The following WWOX variants were observed in gnomAD, a reference collection of about 807,000 sequenced individuals.
WWOX encodes the protein WW domain containing oxidoreductase.
WWOX carries 69 observed loss-of-function variants against 46.2 expected under a neutral mutation model. That is an observed-to-expected ratio of 1.49 (90% CI 1.23 to 1.82). The LOEUF (loss-of-function observed/expected upper bound fraction) is 1.82. WWOX is among the 40% of genes most tolerant of loss of function. The pLI, the probability that WWOX is intolerant of heterozygous loss-of-function variation, is 0.00. For synonymous variants in WWOX, 359 were observed against 202.6 expected (o/e 1.77, Z -6.56); for missense variants, 919 against 542.6 (o/e 1.69, Z -6.89).
At chr16:78,560,216 G>C (rs1417941646) in intron 8 of WWOX, among the ~76,000 whole-genome samples, 3 of 152,154 alleles carry the variant, frequency 2.0e-5, no homozygotes, top group South Asian at 2.1e-4. Flanking sequence ...ACCTTTTGTG[G>C]AATTGATTCT....
At chr16:78,514,532 C>T (rs934377594) in intron 8 of WWOX, among the ~76,000 whole-genome samples, 1 of 152,172 alleles carries the variant, frequency 6.6e-6, no homozygotes, top group Non-Finnish European at 1.5e-5. Flanking sequence ...CTTAGATAGG[C>T]ATCATTGCCT....
chr16:78,825,609 G>T (rs752494043), intron 8 of WWOX: 289 of 528,238 alleles, frequency 5.5e-4, no homozygotes, highest in Non-Finnish European at 8.2e-4. Context: ...ACTCCTAGGA[G>T]GGCTTACTGT....
chr16:79,015,053 C>T (rs1196024544), intron 8 of WWOX, among the ~76,000 whole-genome samples: 1 of 152,176 alleles, frequency 6.6e-6, no homozygotes, highest in African/African-American at 2.4e-5. Flanking sequence ...GGCCTTTCTC[C>T]TGCTGTCATC....
intron 8 of WWOX, among the ~76,000 whole-genome samples, chr16:78,961,119 C>T (rs1391706284): frequency 6.6e-6 from 1 of 152,120 alleles, no homozygotes; most frequent in African/African-American, 2.4e-5. Context: ...GAAAGAAAGA[C>T]TCAAGCCAAG....
At chr16:78,484,373 C>G (rs947976644) in intron 8 of WWOX, among the ~76,000 whole-genome samples, 1 of 152,090 alleles carries the variant, frequency 6.6e-6, no homozygotes, top group Non-Finnish European at 1.5e-5. Context: ...AGTTTACTTA[C>G]AGTTTGCTAT....
chr16:79,036,759 A>G lies in WWOX; in HGVS notation c.1057-174849A>G, dbSNP rs1445239294. Among the ~76,000 whole-genome samples, 10 of 152,358 alleles carry G rather than the reference A, an allele frequency of 6.6e-5. No homozygotes were observed. The South Asian group carries it at 1.0e-3, about 16-fold the overall frequency. ...GAAGGATTGGGAAGAGTAAACAGGCATGCTGCATATCTGTCATCATGGCTC... is the reference window on the plus strand; with the variant it reads ...GAAGGATTGGGAAGAGTAAACAGGCGTGCTGCATATCTGTCATCATGGCTC... On this transcript the variant is annotated intron_variant, in intron 8 of 8. Transcript: ENST00000566780.
chr16:78,813,252 A>G (rs1997590), intron 8 of WWOX, among the ~76,000 whole-genome samples: 270 of 152,034 alleles, frequency 1.8e-3, no homozygotes, highest in Non-Finnish European at 2.8e-3. Context: ...GGTCATAAGT[A>G]TTTTTCATTT....
At chr16:78,800,395 A>G (rs2050855492) in intron 8 of WWOX, among the ~76,000 whole-genome samples, 1 of 152,172 alleles carries the variant, frequency 6.6e-6, no homozygotes, top group Non-Finnish European at 1.5e-5. Flanking sequence ...AGCTGTCGTT[A>G]TATAATATCT....
chr16:78,851,389 A>G (rs1284863474), intron 8 of WWOX, among the ~76,000 whole-genome samples: 4 of 152,252 alleles, frequency 2.6e-5, no homozygotes, highest in Non-Finnish European at 5.9e-5. Flanking sequence ...GAGTTTACTT[A>G]TAGGCAGAAG....
chr16:79,057,129 G>T (rs1473891846), intron 8 of WWOX, among the ~76,000 whole-genome samples: 1 of 152,172 alleles, frequency 6.6e-6, no homozygotes, highest in Non-Finnish European at 1.5e-5. Flanking sequence ...GAGTGCTAGC[G>T]CAGGTTCTCT....
chr16:78,737,837 C>T (rs965790300), intron 8 of WWOX, among the ~76,000 whole-genome samples: 2 of 152,084 alleles, frequency 1.3e-5, no homozygotes, highest in Admixed American at 6.6e-5. Context: ...GGAGTGTGTC[C>T]TGGGTGGTTT....
intron 8 of WWOX, among the ~76,000 whole-genome samples, chr16:79,009,744 C>T (rs547040928): frequency 1.3e-5 from 2 of 152,244 alleles, no homozygotes; most frequent in African/African-American, 2.4e-5. Context: ...AGCCACCGCT[C>T]CTGGCACCCA....
chr16:78,131,832 C>T (rs185042603), intron 4 of WWOX, among the ~76,000 whole-genome samples: 13 of 151,702 alleles, frequency 8.6e-5, no homozygotes, highest in East Asian at 2.0e-4. Context: ...GATCCTCCTA[C>T]GTCGGCCTCC....
rs1188414290 is a variant in WWOX at position 78,340,453 on chromosome 16, C to T, written c.517-46407C>T. ...TGAACTCCTGACCTCAGGTGATCTG[C>T]CCATCTCAGCCTCCCAATGTGCTAG... On this transcript the variant is annotated intron_variant, in intron 5 of 8. Transcript: ENST00000566780. 2.5e-5 allele frequency among the ~76,000 whole-genome samples: 3 copies of T among 120,718 alleles called. 1 individual carries two copies. Among genetic ancestry groups the T allele is most frequent in the Non-Finnish European group, 4.0e-5 (2 of 50,546 alleles). The allele number at this position is 120,718 out of a possible 152,430, so 79.2% of individuals were successfully genotyped here.
chr16:78,356,657 T>G (rs1453114123), intron 5 of WWOX, among the ~76,000 whole-genome samples: 1 of 152,034 alleles, frequency 6.6e-6, no homozygotes, highest in Non-Finnish European at 1.5e-5. Flanking sequence ...CCAAGGCGAG[T>G]GGATCACGAG....
chr16:79,093,633 A>G (rs987474494), intron 8 of WWOX, among the ~76,000 whole-genome samples: 1 of 152,202 alleles, frequency 6.6e-6, no homozygotes, highest in Admixed American at 6.5e-5. Context: ...TGGCACCCAC[A>G]ACAAACATCA....
At chr16:78,712,606 C>T (rs960652257) in intron 8 of WWOX, among the ~76,000 whole-genome samples, 1 of 151,900 alleles carries the variant, frequency 6.6e-6, no homozygotes, top group Non-Finnish European at 1.5e-5. Flanking sequence ...AACCTGCTCT[C>T]AAAGACATTT....
chr16:78,955,224 G>A (rs899537116), intron 8 of WWOX, among the ~76,000 whole-genome samples: 1 of 152,146 alleles, frequency 6.6e-6, no homozygotes, highest in Non-Finnish European at 1.5e-5. Flanking sequence ...CTGCAATGTG[G>A]GTGCTCAAAT....
At chr16:78,484,363 AG>A (rs1567599869) in intron 8 of WWOX, among the ~76,000 whole-genome samples, 1 of 152,080 alleles carries the variant, frequency 6.6e-6, no homozygotes, top group African/African-American at 2.4e-5. Flanking sequence ...TATTCCCCAG[AG>A]TTTACTTACA....
Sources: allele counts gnomAD v4.1 joint callset (sites outside exome capture counted in the v4.1 genomes callset), GRCh38; gene constraint gnomAD v4.1.1; transcripts MANE v1.5; gene names NCBI Gene and HGNC (gene_info 2026-07-23, HGNC 2026-07-21).